Variants in NCKAP5 observed in about 807,000 individuals in gnomAD.
NCKAP5 encodes nck-associated protein 5.
In NCKAP5, 92 loss-of-function variants were observed where a neutral mutation model predicts 167.0. The ratio of observed to expected loss-of-function variants is 0.55; its 90% confidence interval spans 0.47 to 0.66. The LOEUF is 0.66. Ranked by LOEUF, NCKAP5 falls within the 30% of genes least tolerant of loss-of-function variation. The pLI is 0.00. For missense variants in NCKAP5, 2,378 were observed against 2,315.0 expected, an observed-to-expected ratio of 1.03 and a Z score of -0.56; for synonymous variants, 891 against 877.4, an observed-to-expected ratio of 1.02 and a Z score of -0.27.
chr2:133,345,482 G>C lies in NCKAP5; in HGVS notation c.70-42372C>G, dbSNP rs1374051154. Among the ~76,000 whole-genome samples the C allele has an allele frequency of 2.6e-5, 4 of 152,132 alleles. No individual in the cohort carries two copies. The South Asian group carries it at 8.3e-4, about 32-fold the overall frequency. ...TTTGATGTTCAGAATATGGAGCAAT[G>C]GTTCTTAACCCTCGGTACACATTAT... On this transcript the variant is annotated intron_variant, in intron 3 of 19. Coordinates refer to ENST00000409261, the MANE Select transcript of NCKAP5 (RefSeq NM_207363.3).
intron 11 of NCKAP5, among the ~76,000 whole-genome samples, chr2:132,850,406 G>A (rs1405696938): frequency 2.0e-5 from 3 of 152,086 alleles, no homozygotes; most frequent in East Asian, 1.9e-4. Context: ...GCCTAAGCGG[G>A]CAGTGGGTAA....
chr2:133,303,406 G>C (rs1181201255), intron 3 of NCKAP5, among the ~76,000 whole-genome samples: 1 of 152,130 alleles, frequency 6.6e-6, no homozygotes, highest in Admixed American at 6.5e-5. Context: ...ACTGGAGTCT[G>C]TGTTCTACTG....
At chr2:133,605,534 A>T in the NCKAP5 span, among the ~76,000 whole-genome samples, 3 of 152,342 alleles carry the variant, frequency 2.0e-5, no homozygotes, top group African/African-American at 7.2e-5. Context: ...ATATTGATGC[A>T]TCTGCTAACT....
intron 3 of NCKAP5, among the ~76,000 whole-genome samples, chr2:133,426,829 A>G (rs1291429359): frequency 6.6e-6 from 1 of 152,218 alleles, no homozygotes; most frequent in Non-Finnish European, 1.5e-5. Context: ...ACTCTGTACT[A>G]TCTTTCCATT....
intron 4 of NCKAP5, among the ~76,000 whole-genome samples, chr2:133,246,650 T>C (rs779937582): frequency 6.6e-6 from 1 of 151,960 alleles, no homozygotes; most frequent in African/African-American, 2.4e-5. Flanking sequence ...GTGATTTACA[T>C]GTGTGTGTGT....
chr2:133,102,520 GA>G (rs112133665), intron 6 of NCKAP5, among the ~76,000 whole-genome samples: 1 of 151,980 alleles, frequency 6.6e-6, no homozygotes, highest in East Asian at 1.9e-4. Flanking sequence ...AAAAAGGGAA[GA>G]AAAAAACCGT....
chr2:133,216,111 CAT>C (rs1412773488), intron 4 of NCKAP5, among the ~76,000 whole-genome samples: 1 of 152,050 alleles, frequency 6.6e-6, no homozygotes, highest in African/African-American at 2.4e-5. Flanking sequence ...CTAATAGAAA[CAT>C]ATATCACATT....
chr2:133,570,834 C>T (rs1233054050), upstream of NCKAP5, among the ~76,000 whole-genome samples: 1 of 152,184 alleles, frequency 6.6e-6, no homozygotes, highest in Non-Finnish European at 1.5e-5. Context: ...GCTTAGAAAG[C>T]TCTAACCCAC....
chr2:133,619,249 T>C, the NCKAP5 span, among the ~76,000 whole-genome samples: 4 of 147,030 alleles, frequency 2.7e-5, no homozygotes, highest in African/African-American at 1.0e-4. Context: ...GGTACATGTA[T>C]ACATATGTAA....
At chr2:133,123,741 T>C (rs1190834817) in intron 6 of NCKAP5, 5 of 470,994 alleles carry the variant, frequency 1.1e-5, no homozygotes, top group South Asian at 3.1e-5. Context: ...AGCTCTGTGC[T>C]GATGCTTGTC....
At position 132,920,031 on chromosome 2, in the gene NCKAP5, A is replaced by G. The variant is rs534864521; in HGVS notation, c.580-41115T>C. ...AGCCAATTTTAAAATCCAAGTAGCAAGTTCATGGTTCCTTGGCTACTGCCT... is the reference window on the plus strand; with the variant it reads ...AGCCAATTTTAAAATCCAAGTAGCAGGTTCATGGTTCCTTGGCTACTGCCT... On this transcript the variant is annotated intron_variant, in intron 8 of 19. Transcript: ENST00000409261. 7.2e-5 allele frequency among the ~76,000 whole-genome samples: 11 copies of G among 152,290 alleles called. No individual in the cohort carries two copies. In the East Asian group the frequency reaches 2.1e-3, roughly 29 times the overall value.
chr2:133,307,771 G>A (rs72846331), intron 3 of NCKAP5, among the ~76,000 whole-genome samples: 25 of 152,224 alleles, frequency 1.6e-4, no homozygotes, highest in Non-Finnish European at 2.8e-4. Flanking sequence ...ACCAAAAGGT[G>A]TCTGTGTGCA....
intron 6 of NCKAP5, chr2:133,118,183 T>C (rs559239949): frequency 2.5e-4 from 38 of 152,298 alleles, no homozygotes; most frequent in Middle Eastern, 3.4e-3. Flanking sequence ...TTTTCACATG[T>C]AACTCTTTTT....
intron 10 of NCKAP5, among the ~76,000 whole-genome samples, chr2:132,862,714 C>T (rs1302772871): frequency 4.0e-5 from 6 of 149,416 alleles, no homozygotes; most frequent in South Asian, 2.1e-4. Context: ...CAGCCGAGAT[C>T]GTGCCACTGC....
At chr2:133,232,910 A>C (rs1378520831) in intron 4 of NCKAP5, among the ~76,000 whole-genome samples, 1 of 152,216 alleles carries the variant, frequency 6.6e-6, no homozygotes, top group African/African-American at 2.4e-5. Context: ...CTTCTATATA[A>C]TCTGAGTGTA....
chr2:133,273,597 C>T (rs1183893905), intron 4 of NCKAP5, among the ~76,000 whole-genome samples: 1 of 151,750 alleles, frequency 6.6e-6, no homozygotes, highest in Admixed American at 6.6e-5. Context: ...GTTAGAAGGA[C>T]TCTGATACCA....
rs35760716 is a variant in NCKAP5, at chr2:133,308,689, CTTTTTTTTTTTTTTTT to C, written c.70-5595_70-5580del. ...TTTTTTCGTTTGAAGAAATACAATTCTTTTTTTTTTTTTTTTTTTTTTTTTTTTTTGAGACGGAGTC... is the reference window on the plus strand; with the variant it reads ...TTTTTTCGTTTGAAGAAATACAATTCTTTTTTTTTTTTTTGAGACGGAGTC... On this transcript the variant is annotated intron_variant, in intron 3 of 19. Transcript: ENST00000409261. Among the ~76,000 whole-genome samples, 10 of 59,278 alleles carry C rather than the reference CTTTTTTTTTTTTTTTT, an allele frequency of 1.7e-4. 1 individual carries two copies. In the South Asian group the frequency reaches 3.9e-3, roughly 23 times the overall value. The allele number at this position is 59,278 out of a possible 152,430, so 38.9% of individuals were successfully genotyped here.
At chr2:132,770,371 T>A (rs1341113793) in intron 16 of NCKAP5, among the ~76,000 whole-genome samples, 1 of 148,132 alleles carries the variant, frequency 6.8e-6, no homozygotes, top group Non-Finnish European at 1.5e-5. Context: ...TATTATATAT[T>A]GTATATATTA....
intron 6 of NCKAP5, among the ~76,000 whole-genome samples, chr2:133,088,670 A>C (rs1405071607): frequency 6.6e-6 from 1 of 152,218 alleles, no homozygotes; most frequent in Non-Finnish European, 1.5e-5. Context: ...AAATGAAATT[A>C]ACAGATAATA....
Sources: allele counts gnomAD v4.1 joint callset (sites outside exome capture counted in the v4.1 genomes callset), GRCh38; gene constraint gnomAD v4.1.1; transcripts MANE v1.5; gene names NCBI Gene and HGNC (gene_info 2026-07-23, HGNC 2026-07-21).